Variants in ZNF385B observed in about 807,000 individuals in gnomAD.
ZNF385B encodes the protein zinc finger protein 385B, also known as zinc finger protein 533.
Under a neutral mutation model 39.2 loss-of-function variants are expected in ZNF385B, and 23 were observed. That is an observed-to-expected ratio of 0.59 (90% CI 0.42 to 0.83). The LOEUF (loss-of-function observed/expected upper bound fraction) is 0.83. ZNF385B is among the 40% of genes least tolerant of loss of function. ZNF385B has a pLI of 0.00. For missense variants in ZNF385B, 552 were observed against 598.9 expected, an observed-to-expected ratio of 0.92 and a Z score of 0.82; for synonymous variants, 205 against 222.6, an observed-to-expected ratio of 0.92 and a Z score of 0.70.
chr2:179,454,493 G>A (rs2050479067), intron 6 of ZNF385B, among the ~76,000 whole-genome samples: 1 of 142,354 alleles, frequency 7.0e-6, no homozygotes, highest in African/African-American at 2.7e-5. Flanking sequence ...ATTTTAGAGT[G>A]TACTCCTTCC....
chr2:179,494,373 G>A (rs28704741), intron 5 of ZNF385B, among the ~76,000 whole-genome samples: 2,869 of 152,236 alleles, frequency 0.019, 86 homozygotes, highest in African/African-American at 0.065. Flanking sequence ...TGTGTGTACA[G>A]TGGAGAGGCT....
In ZNF385B at chr2:179,624,772, G is replaced by A. The variant is rs376746920; in HGVS notation, c.299-79803C>T. On this transcript the variant is annotated intron_variant, in intron 3 of 9. Coordinates refer to ENST00000410066, the MANE Select transcript of ZNF385B (RefSeq NM_152520.6). ...GGTAAACTTGCTAATTTCTACCAAA[G>A]GATATTGACCAGAACCCCTAGTCAT... Among the ~76,000 whole-genome samples the A allele has an allele frequency of 4.6e-5, 7 of 152,244 alleles. No homozygotes were observed. In the South Asian group the frequency reaches 1.0e-3, roughly 23 times the overall value.
chr2:179,518,782 AT>A (rs1414016642), intron 4 of ZNF385B, 144 bp from the exon 5 acceptor site: 1 of 462,868 alleles, frequency 2.2e-6, no homozygotes, highest in East Asian at 3.5e-5. Flanking sequence ...TTCAACAGTA[AT>A]ATATTTGTCT....
chr2:179,618,322 C>G lies in ZNF385B; in HGVS notation c.299-73353G>C, dbSNP rs1689929292. On this transcript the variant is annotated intron_variant, in intron 3 of 9. Coordinates refer to ENST00000410066, the MANE Select transcript of ZNF385B (RefSeq NM_152520.6). ...TCAGCCCTACATACCTTTTCATGGT[C>G]AATATCTATGGTTCATTTCCACTAT... 3.9e-5 allele frequency among the ~76,000 whole-genome samples: 6 copies of G among 152,292 alleles called. No homozygotes were observed. The South Asian group carries it at 1.2e-3, about 32-fold the overall frequency.
chr2:179,778,659 T>C (rs1704485822), intron 1 of ZNF385B, among the ~76,000 whole-genome samples: 1 of 152,218 alleles, frequency 6.6e-6, no homozygotes. Flanking sequence ...ATTACATAGC[T>C]TAGTATTATT....
At chr2:179,609,551 A>G (rs1479857370) in intron 3 of ZNF385B, among the ~76,000 whole-genome samples, 5 of 152,046 alleles carry the variant, frequency 3.3e-5, no homozygotes, top group African/African-American at 1.2e-4. Flanking sequence ...AGCACAGGAA[A>G]CTCCTCCATA....
At chr2:179,665,150 G>A (rs1433268790) in intron 3 of ZNF385B, among the ~76,000 whole-genome samples, 3 of 152,194 alleles carry the variant, frequency 2.0e-5, no homozygotes, top group Non-Finnish European at 4.4e-5. Flanking sequence ...GTGGACTAAA[G>A]ACACACGGGA....
At chr2:179,860,668 G>A (rs1684973002) in intron 1 of ZNF385B, among the ~76,000 whole-genome samples, 1 of 151,906 alleles carries the variant, frequency 6.6e-6, no homozygotes, top group African/African-American at 2.4e-5. Context: ...ACACACCTCG[G>A]TCCCCTAACT....
intron 5 of ZNF385B, among the ~76,000 whole-genome samples, chr2:179,486,891 G>A (rs962594528): frequency 9.9e-5 from 15 of 151,936 alleles, no homozygotes; most frequent in Non-Finnish European, 2.1e-4. Context: ...ACTCTGGCCC[G>A]GGCAACAGAA....
At chr2:179,619,420 C>T (rs1475435595) in intron 3 of ZNF385B, among the ~76,000 whole-genome samples, 1 of 152,134 alleles carries the variant, frequency 6.6e-6, no homozygotes, top group East Asian at 1.9e-4. Flanking sequence ...AACATGTATA[C>T]CCAATAGCTT....
chr2:179,777,673 G>C (rs1400621052), intron 1 of ZNF385B, among the ~76,000 whole-genome samples: 1 of 151,734 alleles, frequency 6.6e-6, no homozygotes, highest in South Asian at 2.1e-4. Context: ...AAAAGCAAAA[G>C]ACCAGCTTTG....
At chr2:179,483,683 G>C (rs1433407170) in intron 5 of ZNF385B, among the ~76,000 whole-genome samples, 5 of 152,158 alleles carry the variant, frequency 3.3e-5, no homozygotes, top group Non-Finnish European at 7.4e-5. Flanking sequence ...TGGACAAAAG[G>C]ATTAGGGCAA....
chr2:179,783,859 T>C (rs1210719238), intron 1 of ZNF385B, among the ~76,000 whole-genome samples: 2 of 152,176 alleles, frequency 1.3e-5, no homozygotes, highest in Admixed American at 1.3e-4. Context: ...GGAACACTTA[T>C]ATATACTGTT....
At chr2:179,624,996 T>C (rs1049053410) in intron 3 of ZNF385B, among the ~76,000 whole-genome samples, 15 of 152,166 alleles carry the variant, frequency 9.9e-5, no homozygotes, top group African/African-American at 3.6e-4. Context: ...AGGCAAAAGA[T>C]TCTATACTGG....
In ZNF385B at chr2:179,789,916, T is replaced by C. The variant is rs142794873; in HGVS notation, c.-154-19244A>G. ...GAACCAGTAATGAGTATTAACATGT[T>C]ATGATTTGAGGAGCATAATTAACTC... On this transcript the variant is annotated intron_variant, in intron 1 of 9. Coordinates refer to ENST00000410066, the MANE Select transcript of ZNF385B (RefSeq NM_152520.6). 5.6e-3 allele frequency among the ~76,000 whole-genome samples: 852 copies of C among 152,230 alleles called. 5 individuals are homozygous for C. Among genetic ancestry groups the C allele is most frequent in the African/African-American group, 0.019 (775 of 41,540 alleles).
chr2:179,726,337 T>C (rs1006975013), intron 3 of ZNF385B, among the ~76,000 whole-genome samples: 1 of 152,052 alleles, frequency 6.6e-6, no homozygotes, highest in Non-Finnish European at 1.5e-5. Flanking sequence ...TGTGTTTCCT[T>C]CTATCATCGG....
intron 3 of ZNF385B, among the ~76,000 whole-genome samples, chr2:179,559,534 T>C (rs538370036): frequency 3.3e-5 from 5 of 152,296 alleles, no homozygotes; most frequent in South Asian, 2.1e-4. Flanking sequence ...ATCATGTTAC[T>C]CTTGTACTAT....
chr2:179,471,327 G>C (rs1483789961), intron 6 of ZNF385B, among the ~76,000 whole-genome samples: 1 of 152,128 alleles, frequency 6.6e-6, no homozygotes, highest in Non-Finnish European at 1.5e-5. Flanking sequence ...ACTTCACATG[G>C]AGAATAGAGA....
At chr2:179,732,937 T>C (rs914613095) in intron 3 of ZNF385B, among the ~76,000 whole-genome samples, 26 of 152,344 alleles carry the variant, frequency 1.7e-4, no homozygotes, top group African/African-American at 6.3e-4. Context: ...TGACTTGCAT[T>C]GAGCTACCTT....
Sources: gnomAD v4.1 joint callset for allele counts (sites outside exome capture counted in the v4.1 genomes callset) on GRCh38, gnomAD v4.1.1 for gene constraint, MANE v1.5 for transcripts, NCBI Gene and HGNC (gene_info 2026-07-23, HGNC 2026-07-21) for gene names.